Variants in TMC2 observed in about 807,000 individuals in gnomAD.
TMC2 encodes the protein transmembrane channel like 2, also known as transmembrane channel-like protein 2.
Under a neutral mutation model 105.9 loss-of-function variants are expected in TMC2, and 102 were observed. That is an observed-to-expected ratio of 0.96 (90% CI 0.82 to 1.14). The LOEUF is 1.14. Among genes scored for constraint, TMC2 ranks in the 50% most tolerant of loss-of-function variants. TMC2 has a pLI of 0.00. For missense variants in TMC2, 1,093 were observed against 1,134.3 expected, an observed-to-expected ratio of 0.96 and a Z score of 0.52; for synonymous variants, 402 against 422.8, an observed-to-expected ratio of 0.95 and a Z score of 0.60.
At chr20:2,594,409 G>A (rs917727319) in intron 8 of TMC2, among the ~76,000 whole-genome samples, 15 of 151,914 alleles carry the variant, frequency 9.9e-5, no homozygotes, top group Non-Finnish European at 2.2e-4. Context: ...TGTATTTTTA[G>A]TAGAGACAAG....
chr20:2,543,201 C>T (rs949104344), intron 2 of TMC2, among the ~76,000 whole-genome samples: 2 of 151,504 alleles, frequency 1.3e-5, no homozygotes, highest in African/African-American at 4.8e-5. Flanking sequence ...CTTACCACTG[C>T]ACTCCAGCCT....
chr20:2,550,488 A>G (rs1459631333), intron 2 of TMC2, among the ~76,000 whole-genome samples: 2 of 152,208 alleles, frequency 1.3e-5, no homozygotes, highest in Non-Finnish European at 2.9e-5. Context: ...ATACGGATAC[A>G]TTATTAACTA....
chr20:2,550,390 C>T (rs993128434), intron 2 of TMC2, among the ~76,000 whole-genome samples: 1 of 152,070 alleles, frequency 6.6e-6, no homozygotes, highest in African/African-American at 2.4e-5. Flanking sequence ...ATAGAGTTTC[C>T]ACGTATAACC....
chr20:2,576,463 G>A (rs1160763249), intron 5 of TMC2, among the ~76,000 whole-genome samples: 1 of 152,152 alleles, frequency 6.6e-6, no homozygotes, highest in Admixed American at 6.5e-5. Context: ...CCAAGGAACC[G>A]ACCGGCAGGC....
chr20:2,596,202 C>G (rs2146214589), intron 9 of TMC2, among the ~76,000 whole-genome samples: 1 of 152,258 alleles, frequency 6.6e-6, no homozygotes, highest in East Asian at 1.9e-4. Context: ...GGGTCAAACT[C>G]TAGGGAGCAT....
At chr20:2,573,471 A>G (rs966842406) in intron 5 of TMC2, among the ~76,000 whole-genome samples, 1 of 151,044 alleles carries the variant, frequency 6.6e-6, no homozygotes, top group African/African-American at 2.4e-5. Context: ...TATTGGTAGT[A>G]TGTAAGAAAG....
chr20:2,568,191 A>G (rs1163804193), intron 4 of TMC2, among the ~76,000 whole-genome samples: 1 of 152,246 alleles, frequency 6.6e-6, no homozygotes, highest in Non-Finnish European at 1.5e-5. Flanking sequence ...ATTCCAAGAC[A>G]CATCATAGTC....
intron 2 of TMC2, among the ~76,000 whole-genome samples, chr20:2,548,492 G>T (rs2085937525): frequency 6.6e-6 from 1 of 152,030 alleles, no homozygotes; most frequent in African/African-American, 2.4e-5. Flanking sequence ...TAGAAAATTA[G>T]CTGGGTGTGG....
At chr20:2,625,301 T>A (rs530392344) in intron 17 of TMC2, among the ~76,000 whole-genome samples, 1 of 152,188 alleles carries the variant, frequency 6.6e-6, no homozygotes, top group Non-Finnish European at 1.5e-5. Flanking sequence ...GATGTTAACA[T>A]TTTGCAATAT....
Position 2,558,871 on chromosome 20 carries a change from C to CG in TMC2, c.401+101dup, listed in dbSNP as rs1457803157. 2 of 1,276,034 alleles carry CG rather than the reference C, an allele frequency of 1.6e-6. No individual in the cohort carries two copies. Among genetic ancestry groups the CG allele is most frequent in the South Asian group, 1.6e-5 (1 of 63,516 alleles). The allele number at this position is 1,276,034 out of a possible 1,614,324, so 79.0% of individuals were successfully genotyped here. ...CGTGAGGGACTGATGCCCCCCTCCC[C>CG]GGGGAGAGGCAGCCCGTGCCCTCGC... On this transcript the variant is annotated intron_variant, in intron 3 of 19. Transcript: ENST00000358864. The surrounding 1 kb of genome is among the most constrained non-coding windows in gnomAD (Gnocchi z 4.6).
chr20:2,627,869 T>C (rs1315316747), intron 17 of TMC2, among the ~76,000 whole-genome samples: 2 of 152,136 alleles, frequency 1.3e-5, no homozygotes, highest in Admixed American at 1.3e-4. Flanking sequence ...ATCATTTTTA[T>C]TAGAATTCAG....
chr20:2,635,576 T>C (rs557087338), intron 17 of TMC2, among the ~76,000 whole-genome samples: 1 of 152,280 alleles, frequency 6.6e-6, no homozygotes, highest in Non-Finnish European at 1.5e-5. Flanking sequence ...GGCACAGAGC[T>C]TGGCACAGGG....
chr20:2,556,739 T>G (rs2122821498), intron 2 of TMC2, among the ~76,000 whole-genome samples: 1 of 152,338 alleles, frequency 6.6e-6, no homozygotes, highest in Non-Finnish European at 1.5e-5. Context: ...TGTTTCTAAA[T>G]GAAAATAAAA....
At chr20:2,583,308 C>A (rs747110720) in intron 7 of TMC2, among the ~76,000 whole-genome samples, 3 of 152,164 alleles carry the variant, frequency 2.0e-5, no homozygotes, top group Non-Finnish European at 4.4e-5. Context: ...TGGCAGAATT[C>A]TCTGTTGATT....
In TMC2 at chr20:2,636,014, T is replaced by C. The variant is rs778247705; in HGVS notation, c.2385+10T>C. The C allele has an allele frequency of 6.2e-7, 1 of 1,612,616 alleles. No individual in the cohort carries two copies. Among genetic ancestry groups the C allele is most frequent in the Non-Finnish European group, 8.5e-7 (1 of 1,178,610 alleles). ...GAAGAAAATCCAAGTGGTGAGTCTG[T>C]TGGGAGTTTCATCCTGGACGGTAAA... On this transcript the variant is annotated intron_variant, in intron 18 of 19. Coordinates refer to ENST00000358864, the MANE Select transcript of TMC2 (RefSeq NM_080751.3).
At chr20:2,587,060 C>T (rs1167373921) in intron 7 of TMC2, among the ~76,000 whole-genome samples, 1 of 151,952 alleles carries the variant, frequency 6.6e-6, no homozygotes, top group Non-Finnish European at 1.5e-5. Context: ...TTGGGACTTG[C>T]TTTATTTACT....
chr20:2,573,796 G>A (rs895050247), intron 5 of TMC2, among the ~76,000 whole-genome samples: 7 of 151,704 alleles, frequency 4.6e-5, no homozygotes, highest in Admixed American at 2.0e-4. Context: ...TCCTGACCTC[G>A]TGATCCGCCC....
Position 2,576,737 on chromosome 20 carries a change from A to G in TMC2, c.646-2409A>G, listed in dbSNP as rs565640168. 1.4e-3 allele frequency among the ~76,000 whole-genome samples: 208 copies of G among 152,280 alleles called. 3 individuals are homozygous for G. The highest frequency in any genetic ancestry group is 4.6e-3 in the African/African-American group (190 of 41,558). On this transcript the variant is annotated intron_variant, in intron 5 of 19. Coordinates refer to ENST00000358864, the MANE Select transcript of TMC2 (RefSeq NM_080751.3). ...TTTATTTTTGATAGCTGAGTTAGTA[A>G]TACGAGAAGCTAAACCATCATCCCA...
chr20:2,632,987 T>TTGC (rs2086615100), intron 17 of TMC2, among the ~76,000 whole-genome samples: 1 of 152,014 alleles, frequency 6.6e-6, no homozygotes, highest in Non-Finnish European at 1.5e-5. Flanking sequence ...TTTGTTGTTG[T>TTGC]TGCTGTTTGT....
Sources: allele counts gnomAD v4.1 joint callset (sites outside exome capture counted in the v4.1 genomes callset), GRCh38; gene constraint gnomAD v4.1.1; non-coding constraint Gnocchi (gnomAD v3.1); transcripts MANE v1.5; gene names NCBI Gene and HGNC (gene_info 2026-07-23, HGNC 2026-07-21).